Variants in ADAMTS18 observed in about 807,000 individuals in gnomAD.
ADAMTS18 encodes the protein A disintegrin and metalloproteinase with thrombospondin motifs 18.
ADAMTS18 carries 157 observed loss-of-function variants against 165.9 expected under a neutral mutation model. That is an observed-to-expected ratio of 0.95 (90% confidence interval 0.83 to 1.08). ADAMTS18 has a LOEUF of 1.08. Ranked by LOEUF, ADAMTS18 falls within the 50% of genes least tolerant of loss-of-function variation. ADAMTS18 has a pLI of 0.00. For missense variants in ADAMTS18, 2,040 were observed against 1,534.0 expected (o/e 1.33, Z -5.51); for synonymous variants, 782 against 578.2 (o/e 1.35, Z -5.06).
chr16:77,368,651 T>G (rs892391136), intron 3 of ADAMTS18, among the ~76,000 whole-genome samples: 1 of 151,988 alleles, frequency 6.6e-6, no homozygotes, highest in African/African-American at 2.4e-5. Flanking sequence ...CTTCAAGTGA[T>G]CCTCCTACCT....
chr16:77,413,315 G>A (rs1203228351), intron 3 of ADAMTS18, among the ~76,000 whole-genome samples: 1 of 152,118 alleles, frequency 6.6e-6, no homozygotes, highest in Non-Finnish European at 1.5e-5. Flanking sequence ...CTAAAGACAG[G>A]CTCTAACTCT....
intron 12 of ADAMTS18, among the ~76,000 whole-genome samples, chr16:77,334,789 A>AATATACTATATACTATAGTATTCAGTAT (rs2056274759): frequency 4.2e-5 from 1 of 23,938 alleles, no homozygotes; most frequent in Non-Finnish European, 7.9e-5. Flanking sequence ...GTATACAGTA[A>AATATACTATATACTATAGTATTCAGTAT]ATATACTATA....
intron 12 of ADAMTS18, among the ~76,000 whole-genome samples, chr16:77,332,855 T>G (rs2056212752): frequency 6.6e-6 from 1 of 152,192 alleles, no homozygotes; most frequent in African/African-American, 2.4e-5. Flanking sequence ...TGAAGAAAAT[T>G]GAATTTGCTG....
At chr16:77,357,084 A>G (rs1280369597) in intron 8 of ADAMTS18, among the ~76,000 whole-genome samples, 1 of 146,026 alleles carries the variant, frequency 6.8e-6, no homozygotes, top group African/African-American at 2.5e-5. Flanking sequence ...CATTATTTAA[A>G]AGAATAAAAC....
In ADAMTS18 at chr16:77,294,956, G is replaced by A; in HGVS notation, c.2973C>T (p.Cys991=). The change falls in exon 19 of 23, where the codon TGC becomes TGT. Residue 991 remains cysteine, a synonymous_variant. Coordinates refer to ENST00000282849, the MANE Select transcript of ADAMTS18 (RefSeq NM_199355.4). ...AGGGTCCAAGGCTCCATTGTGGAGG[G>A]CAGGCATGGCTGTTGCAGGCTTGGA... ...TQVQACNSHA[C]PPQWSLGPWS... is the part of the protein sequence containing the mutation. 1 of 1,614,136 alleles carries A rather than the reference G, an allele frequency of 6.2e-7. No individual in the cohort carries two copies. Among genetic ancestry groups the A allele is most frequent in the Non-Finnish European group, 8.5e-7 (1 of 1,180,024 alleles).
Position 77,314,753 on chromosome 16 carries a change from CATATATATATATATATATAT to C in ADAMTS18, c.2532+5076_2532+5095del, listed in dbSNP as rs36191323. The stretch of plus-strand genomic sequence containing the variant: ...GTTTGCTAAATATGGTCTCAGGTTT[CATATATATATATATATATAT>C]ATATATATATATAAAATATATGTGA... On this transcript the variant is annotated intron_variant, in intron 16 of 22. Coordinates refer to ENST00000282849, the MANE Select transcript of ADAMTS18 (RefSeq NM_199355.4). Among the ~76,000 whole-genome samples the C allele has an allele frequency of 2.2e-3, 83 of 36,916 alleles. 3 individuals are homozygous for C. The East Asian group carries it at 0.039, about 17-fold the overall frequency. 24.2% of individuals were successfully genotyped at this position (36,916 alleles called of 152,430 possible).
At position 77,434,506 on chromosome 16, in the gene ADAMTS18, C is replaced by G. The variant is rs2144875247; in HGVS notation, c.91-1G>C. 1 of 1,556,964 alleles carries G rather than the reference C, an allele frequency of 6.4e-7. No individual in the cohort carries two copies. Among genetic ancestry groups the G allele is most frequent in the Non-Finnish European group, 8.7e-7 (1 of 1,154,990 alleles). ...AGCAGAGGCAGCACAGCTGGAGCGC[C>G]TGCAAGAGAAAAGGTGACATCGCGC... On this transcript the variant is annotated splice_acceptor_variant, in intron 1 of 22. Transcript: ENST00000282849. LOFTEE classifies it high-confidence loss of function.
chr16:77,367,889 T>G (rs568577079), intron 3 of ADAMTS18, among the ~76,000 whole-genome samples, 166 bp from the exon 4 acceptor site: 1 of 152,214 alleles, frequency 6.6e-6, no homozygotes, highest in East Asian at 1.9e-4. Context: ...GAGTTGCTAT[T>G]ATTATTGAGA....
chr16:77,426,164 G>C (rs1029790107), intron 3 of ADAMTS18, among the ~76,000 whole-genome samples: 2 of 152,158 alleles, frequency 1.3e-5, no homozygotes, highest in African/African-American at 4.8e-5. Flanking sequence ...ATATGTTAAA[G>C]ATGTTTGTTT....
Position 77,319,988 on chromosome 16 carries a change from TACTTTTG to T in ADAMTS18, c.2386_2392del (p.Gln796IlefsTer49). On this transcript the variant is annotated frameshift_variant, in exon 16 of 23. Coordinates refer to ENST00000282849, the MANE Select transcript of ADAMTS18 (RefSeq NM_199355.4). LOFTEE classifies it high-confidence loss of function. ...GATGCTCCAGCCCCCGGTGAGGTAA[TACTTTTG>T]ACTGAGGCTTCGAACTGCGAGGTAA... 6.2e-7 allele frequency: 1 copy of T among 1,614,120 alleles called. No homozygotes were observed. Among genetic ancestry groups the T allele is most frequent in the Non-Finnish European group, 8.5e-7 (1 of 1,180,016 alleles).
At chr16:77,370,990 A>G (rs530953018) in intron 3 of ADAMTS18, among the ~76,000 whole-genome samples, 2 of 152,278 alleles carry the variant, frequency 1.3e-5, no homozygotes, top group African/African-American at 4.8e-5. Context: ...ACTTATGCCT[A>G]TAATCCCAGC....
intron 22 of ADAMTS18, among the ~76,000 whole-genome samples, chr16:77,288,068 C>A (rs1283240427): frequency 6.6e-6 from 1 of 152,104 alleles, no homozygotes; most frequent in African/African-American, 2.4e-5. Context: ...TGCATTTATT[C>A]ATTTAAGACT....
intron 12 of ADAMTS18, among the ~76,000 whole-genome samples, chr16:77,327,205 T>A (rs2056110101): frequency 1.3e-5 from 2 of 152,214 alleles, no homozygotes; most frequent in South Asian, 4.1e-4. Context: ...ATTTTTGATT[T>A]TTTTATTTCA....
At chr16:77,292,498 C>G (rs2055382854) in intron 20 of ADAMTS18, among the ~76,000 whole-genome samples, 1 of 152,164 alleles carries the variant, frequency 6.6e-6, no homozygotes, top group South Asian at 2.1e-4. Flanking sequence ...GCTCATTTTT[C>G]AGGCCATGCT....
At chr16:77,340,982 A>G (rs2056389189) in intron 11 of ADAMTS18, among the ~76,000 whole-genome samples, 1 of 152,216 alleles carries the variant, frequency 6.6e-6, no homozygotes, top group South Asian at 2.1e-4. Context: ...ATCTCTTGTC[A>G]TTCATAGCTC....
intron 16 of ADAMTS18, among the ~76,000 whole-genome samples, chr16:77,315,342 T>G (rs550869747): frequency 1.3e-5 from 2 of 152,348 alleles, no homozygotes; most frequent in South Asian, 4.1e-4. Flanking sequence ...AAGCCTATTG[T>G]AAACTGAATT....
At position 77,325,983 on chromosome 16, in the gene ADAMTS18, T is replaced by G. The variant is rs150954280; in HGVS notation, c.1915A>C (p.Asn639His). 3 of 1,614,104 alleles carry G rather than the reference T, an allele frequency of 1.9e-6. No homozygotes were observed. The highest frequency in any genetic ancestry group is 1.7e-5 in the Admixed American group (1 of 60,004). ...CTATTTTCATTGCAAGGGTTAATAT[T>G]GCACAGCTGATAAATACGGCTAGAA... ...PGSSRIYQLC[N>H]INPCNENSLD... Residue 639 changes from asparagine (N) to histidine (H), a missense_variant, in exon 13 of 23, where the codon AAT becomes CAT. Transcript: ENST00000282849.
intron 3 of ADAMTS18, among the ~76,000 whole-genome samples, chr16:77,400,446 GTGTGTGTGTC>G (rs1322020677): frequency 1.1e-3 from 95 of 83,554 alleles, no homozygotes; most frequent in African/African-American, 2.8e-3. Flanking sequence ...GTGTGTGTGT[GTGTGTGTGTC>G]TGTGTGTGTG....
chr16:77,385,255 G>A (rs1338347820), intron 3 of ADAMTS18, among the ~76,000 whole-genome samples: 1 of 152,142 alleles, frequency 6.6e-6, no homozygotes, highest in African/African-American at 2.4e-5. Flanking sequence ...GTCATCGAAA[G>A]TCTAACTCCT....
Sources: allele counts gnomAD v4.1 joint callset (sites outside exome capture counted in the v4.1 genomes callset), GRCh38; gene constraint gnomAD v4.1.1; transcripts MANE v1.5; gene names NCBI Gene and HGNC (gene_info 2026-07-23, HGNC 2026-07-21).